MED13: variants seen among roughly 807,000 people sequenced by gnomAD.
MED13 encodes mediator of RNA polymerase II transcription subunit 13.
In MED13, 23 loss-of-function variants were observed where a neutral mutation model predicts 225.2. The ratio of observed to expected loss-of-function variants is 0.10; its 90% CI spans 0.07 to 0.14. The LOEUF is 0.14. MED13 is among the 10% of genes least tolerant of loss of function. MED13 has a pLI of 1.00. For synonymous variants in MED13, 942 were observed against 889.2 expected (o/e 1.06, Z -1.06); for missense variants, 2,197 against 2,594.5 (o/e 0.85, Z 3.33).
intron 5 of MED13, among the ~76,000 whole-genome samples, chr17:62,033,473 C>CTGG (rs2080775381): frequency 6.6e-6 from 1 of 152,228 alleles, no homozygotes; most frequent in South Asian, 2.1e-4. Context: ...GCAGATGTAA[C>CTGG]ATACACCATA....
intron 2 of MED13, among the ~76,000 whole-genome samples, chr17:62,056,500 T>A (rs1337473738): frequency 6.6e-6 from 1 of 152,208 alleles, no homozygotes. Flanking sequence ...CAATGACTCA[T>A]GCCTGTAATC....
chr17:62,057,774 C>A (rs2081006915), intron 2 of MED13, among the ~76,000 whole-genome samples: 1 of 152,164 alleles, frequency 6.6e-6, no homozygotes, highest in African/African-American at 2.4e-5. Flanking sequence ...CTAAAATCTA[C>A]TTTACAGACC....
chr17:61,959,656 A>G (rs1358352679), intron 23 of MED13, among the ~76,000 whole-genome samples: 1 of 152,010 alleles, frequency 6.6e-6, no homozygotes, highest in African/African-American at 2.4e-5. Context: ...ATTTCTGCAT[A>G]TATTTAACTT....
rs187191708 is a variant in MED13, at chr17:62,025,457, C to T, written c.1283+4084G>A. Among the ~76,000 whole-genome samples, 237 of 152,296 alleles carry T rather than the reference C, an allele frequency of 1.6e-3. 1 individual carries two copies. The highest frequency in any genetic ancestry group is 2.6e-3 in the Non-Finnish European group (176 of 68,040). ...CCAAGGCAGATGGATCACCTGAGGT[C>T]AGGAGTTTGAGAACAGACTGACCAA... On this transcript the variant is annotated intron_variant, in intron 8 of 29. Coordinates refer to ENST00000397786, the MANE Select transcript of MED13 (RefSeq NM_005121.3).
chr17:62,063,741 A>C (rs548530232), intron 1 of MED13, among the ~76,000 whole-genome samples: 54 of 152,326 alleles, frequency 3.5e-4, no homozygotes, highest in Admixed American at 3.5e-3. Context: ...AAGACATCTG[A>C]ACAAGTTCTG....
At chr17:62,043,358 T>C (rs1213212763) in intron 3 of MED13, among the ~76,000 whole-genome samples, 3 of 151,898 alleles carry the variant, frequency 2.0e-5, no homozygotes, top group Non-Finnish European at 4.4e-5. Context: ...TACATAATAA[T>C]CTTGATGACA....
At chr17:61,964,964 T>C in intron 20 of MED13, 42 bp downstream of exon 20, 1 of 1,544,520 alleles carries the variant, frequency 6.5e-7, no homozygotes, top group Non-Finnish European at 8.8e-7. Context: ...AGCAGCATCA[T>C]AGTTTTTATA....
chr17:62,061,357 TAAAAAGAA>T (rs1401867794), intron 2 of MED13, among the ~76,000 whole-genome samples: 1 of 147,092 alleles, frequency 6.8e-6, no homozygotes, highest in African/African-American at 2.6e-5. Flanking sequence ...CATCTCTACT[TAAAAAGAA>T]AAAAAGAAAA....
chr17:62,063,911 G>GT (rs2081061247), intron 1 of MED13, among the ~76,000 whole-genome samples: 1 of 152,184 alleles, frequency 6.6e-6, no homozygotes, highest in African/African-American at 2.4e-5. Flanking sequence ...AAAACCTGGT[G>GT]TATGTCTTAT....
chr17:62,035,412 T>C (rs748105801), intron 4 of MED13, 51 bp downstream of exon 4: 3 of 1,430,312 alleles, frequency 2.1e-6, no homozygotes, highest in Non-Finnish European at 2.9e-6. Context: ...TGAAGTCAAA[T>C]AAGGATCTTT....
intron 8 of MED13, among the ~76,000 whole-genome samples, chr17:62,014,107 A>G (rs952259255): frequency 4.0e-5 from 6 of 151,856 alleles, no homozygotes; most frequent in African/African-American, 1.5e-4. Context: ...TCCCCACCTA[A>G]TCAATCTTAA....
chr17:61,957,793 T>C (rs1015191310), intron 23 of MED13, among the ~76,000 whole-genome samples: 3 of 152,210 alleles, frequency 2.0e-5, no homozygotes, highest in Non-Finnish European at 4.4e-5. Context: ...CATTGTTACA[T>C]GTTTTCTGCA....
intron 8 of MED13, among the ~76,000 whole-genome samples, chr17:62,015,954 ATTTTTTTTTTT>A (rs869061252): frequency 0.023 from 290 of 12,862 alleles, 20 homozygotes; most frequent in African/African-American, 0.068. Flanking sequence ...ATATATATAT[ATTTTTTTTTTT>A]TTTTTTTTTT....
chr17:62,014,332 T>TA (rs1567978309), intron 8 of MED13, among the ~76,000 whole-genome samples: 5 of 123,488 alleles, frequency 4.0e-5, no homozygotes, highest in African/African-American at 2.3e-4. Flanking sequence ...ATATATATAT[T>TA]TTGAGACACA....
intron 28 of MED13, among the ~76,000 whole-genome samples, chr17:61,950,141 T>G (rs1415108934): frequency 6.6e-6 from 1 of 152,166 alleles, no homozygotes; most frequent in Admixed American, 6.5e-5. Context: ...TTTCTGAACT[T>G]AAATATGCTC....
chr17:62,037,666 CAAAA>C (rs964038869), intron 3 of MED13, among the ~76,000 whole-genome samples: 3 of 63,406 alleles, frequency 4.7e-5, no homozygotes, highest in Non-Finnish European at 6.3e-5. Context: ...GACTCCATCT[CAAAA>C]AAAAAAAAAA....
chr17:62,063,432 T>C, intron 1 of MED13, 131 bp from the exon 2 acceptor site: 1 of 588,694 alleles, frequency 1.7e-6, no homozygotes, highest in South Asian at 2.8e-5. Context: ...GACTGCAAAT[T>C]AGAACAAAAA....
In MED13 at chr17:61,951,444, C is replaced by T. The variant is rs60734042; in HGVS notation, c.6118-446G>A. ...AGTGTTGTGAAAATTATTATGGCAA[C>T]ATGAAGGGACAACTACCAAGTCACA... is the stretch of plus-strand genomic sequence containing the variant. On this transcript the variant is annotated intron_variant, in intron 27 of 29. Coordinates refer to ENST00000397786, the MANE Select transcript of MED13 (RefSeq NM_005121.3). 3.8e-3 allele frequency among the ~76,000 whole-genome samples: 583 copies of T among 152,186 alleles called. 4 individuals carry two copies. The highest frequency in any genetic ancestry group is 0.013 in the African/African-American group (547 of 41,506).
In MED13 at chr17:61,984,615, G is replaced by A. The variant is rs755530105; in HGVS notation, c.2691+36C>T. ...CAAATTAATTCTATAAGAAAATATA[G>A]GAAGTGAATTATTTTTCTAGAAAAA... On this transcript the variant is annotated intron_variant, in intron 14 of 29. Transcript: ENST00000397786. 3 of 1,508,520 alleles carry A rather than the reference G, an allele frequency of 2.0e-6. No homozygotes were observed. In the Admixed American group the frequency reaches 5.8e-5, roughly 29 times the overall value. The allele number at this position is 1,508,520 out of a possible 1,614,324, so 93.4% of individuals were successfully genotyped here.
Sources: gnomAD v4.1 joint callset for allele counts (sites outside exome capture counted in the v4.1 genomes callset) on GRCh38, gnomAD v4.1.1 for gene constraint, MANE v1.5 for transcripts, NCBI Gene and HGNC (gene_info 2026-07-23, HGNC 2026-07-21) for gene names.